FHIT: variants seen among roughly 807,000 people sequenced by gnomAD.
FHIT encodes bis(5'-adenosyl)-triphosphatase.
In FHIT, 19 loss-of-function variants were observed where a neutral mutation model predicts 17.9. That is an observed-to-expected ratio of 1.06 (90% CI 0.74 to 1.56). The LOEUF is 1.56. Among genes scored for constraint, FHIT ranks in the 40% most tolerant of loss-of-function variants. FHIT has a pLI of 0.00. For missense variants in FHIT, 248 were observed against 189.2 expected (o/e 1.31, Z -1.82); for synonymous variants, 81 against 69.7 (o/e 1.16, Z -0.81).
intron 5 of FHIT, among the ~76,000 whole-genome samples, chr3:60,180,564 T>A (rs1190307825): frequency 6.6e-6 from 1 of 152,180 alleles, no homozygotes; most frequent in African/African-American, 2.4e-5. Flanking sequence ...TTCTAACAGC[T>A]TCATTTTAAA....
intron 4 of FHIT, among the ~76,000 whole-genome samples, chr3:60,633,531 C>A (rs2039502051): frequency 6.6e-6 from 1 of 152,104 alleles, no homozygotes; most frequent in Admixed American, 6.5e-5. Context: ...AACAGTTGTA[C>A]AAAAGATGGT....
rs149326729 is a variant in FHIT at position 60,384,054 on chromosome 3, G to C, written c.103+152806C>G. On this transcript the variant is annotated intron_variant, in intron 5 of 9. Coordinates refer to ENST00000492590, the MANE Select transcript of FHIT (RefSeq NM_002012.4). ...GGAGGCCGAGGTGGGTGGATCACGA[G>C]GTCAGGAGATCAAGACCATCTTGGC... 9.7e-3 allele frequency among the ~76,000 whole-genome samples: 1,472 copies of C among 152,170 alleles called. 24 individuals are homozygous for C. The highest frequency in any genetic ancestry group is 0.033 in the African/African-American group (1,384 of 41,528).
At chr3:60,024,001 AAG>A (rs1491445620) in intron 5 of FHIT, among the ~76,000 whole-genome samples, 5 of 145,318 alleles carry the variant, frequency 3.4e-5, no homozygotes, top group African/African-American at 1.4e-4. Flanking sequence ...TAAAAAAAAA[AAG>A]AATTATGAAT....
intron 5 of FHIT, among the ~76,000 whole-genome samples, chr3:60,026,869 T>G (rs1700760484): frequency 6.6e-6 from 1 of 151,946 alleles, no homozygotes; most frequent in Admixed American, 6.6e-5. Flanking sequence ...GAGGCCAAGG[T>G]GGGTGGGTCA....
At chr3:59,863,605 CTAGCTCA>C (rs1268685989) in intron 8 of FHIT, among the ~76,000 whole-genome samples, 3 of 152,210 alleles carry the variant, frequency 2.0e-5, no homozygotes, top group Non-Finnish European at 4.4e-5. Context: ...CTCCCTGTGT[CTAGCTCA>C]TAGTAGGGAG....
intron 2 of FHIT, among the ~76,000 whole-genome samples, chr3:61,168,279 A>T (rs2037899182): frequency 6.6e-6 from 1 of 152,164 alleles, no homozygotes; most frequent in Non-Finnish European, 1.5e-5. Context: ...CAAGGCCTAA[A>T]ATACTTACTG....
chr3:60,798,763 T>C lies in FHIT; in HGVS notation c.-18+23156A>G, dbSNP rs1701080041. On this transcript the variant is annotated intron_variant, in intron 4 of 9. Coordinates refer to ENST00000492590, the MANE Select transcript of FHIT (RefSeq NM_002012.4). ...CACTACTGCAATAGCTTTTTTTTTTTTTTTTTTTTTTTGAGACTGAGTCTT... is the reference window on the plus strand; with the variant it reads ...CACTACTGCAATAGCTTTTTTTTTTCTTTTTTTTTTTTGAGACTGAGTCTT... 2.0e-5 allele frequency among the ~76,000 whole-genome samples: 3 copies of C among 147,738 alleles called. No homozygotes were observed. The South Asian group carries it at 6.7e-4, about 33-fold the overall frequency.
At chr3:59,793,983 C>T (rs1312162401) in intron 8 of FHIT, among the ~76,000 whole-genome samples, 1 of 152,096 alleles carries the variant, frequency 6.6e-6, no homozygotes, top group African/African-American at 2.4e-5. Context: ...GAGCATTTTT[C>T]CATGGGACAC....
chr3:61,197,665 T>G (rs1287623388), intron 2 of FHIT, among the ~76,000 whole-genome samples: 1 of 152,166 alleles, frequency 6.6e-6, no homozygotes, highest in East Asian at 1.9e-4. Flanking sequence ...CTCAGTAGGG[T>G]AAGAACAGTG....
At chr3:59,973,757 G>T (rs10510823) in intron 7 of FHIT, among the ~76,000 whole-genome samples, 6,481 of 152,132 alleles carry the variant, frequency 0.043, 214 homozygotes, top group Admixed American at 0.1. Flanking sequence ...GCTGATTGAA[G>T]TTATTTTGGG....
At chr3:60,864,604 A>AG (rs1704078586) in intron 3 of FHIT, among the ~76,000 whole-genome samples, 1 of 152,072 alleles carries the variant, frequency 6.6e-6, no homozygotes, top group Non-Finnish European at 1.5e-5. Context: ...ATTGGCAAGG[A>AG]GGGGTGGCAG....
chr3:60,509,182 C>T (rs1010362222), intron 5 of FHIT, among the ~76,000 whole-genome samples: 3 of 152,118 alleles, frequency 2.0e-5, no homozygotes, highest in East Asian at 1.9e-4. Flanking sequence ...TGACTCTTGG[C>T]GATTCCAAAT....
chr3:60,161,439 C>T (rs1311750098), intron 5 of FHIT, among the ~76,000 whole-genome samples: 1 of 152,140 alleles, frequency 6.6e-6, no homozygotes, highest in Non-Finnish European at 1.5e-5. Context: ...ATTTCATGTG[C>T]ACAATTATTA....
At chr3:60,369,756 T>C (rs1159154402) in intron 5 of FHIT, among the ~76,000 whole-genome samples, 2 of 152,190 alleles carry the variant, frequency 1.3e-5, no homozygotes, top group East Asian at 3.9e-4. Flanking sequence ...CTCTCAGCAT[T>C]GTGTGACCTT....
At chr3:60,336,992 C>T (rs764382005) in intron 5 of FHIT, among the ~76,000 whole-genome samples, 1 of 151,830 alleles carries the variant, frequency 6.6e-6, no homozygotes, top group South Asian at 2.1e-4. Flanking sequence ...ACAGAAATTT[C>T]ATTTATATAT....
intron 5 of FHIT, among the ~76,000 whole-genome samples, chr3:60,466,823 GTTTTTT>G: frequency 7.4e-6 from 1 of 135,452 alleles, no homozygotes; most frequent in Admixed American, 7.3e-5. Context: ...CTTGCCTGCA[GTTTTTT>G]TTTTTTTTTT....
intron 5 of FHIT, among the ~76,000 whole-genome samples, chr3:60,376,759 T>C (rs1289337804): frequency 2.0e-5 from 3 of 152,228 alleles, no homozygotes; most frequent in Admixed American, 2.0e-4. Context: ...CAGGGACAAA[T>C]GCTCTATAAT....
intron 5 of FHIT, among the ~76,000 whole-genome samples, chr3:60,313,184 A>G (rs1576460549): frequency 6.6e-6 from 1 of 152,236 alleles, no homozygotes; most frequent in African/African-American, 2.4e-5. Flanking sequence ...CACATGCTCT[A>G]AACATTACAT....
At chr3:60,925,362 T>G (rs1245233638) in intron 3 of FHIT, among the ~76,000 whole-genome samples, 3 of 152,200 alleles carry the variant, frequency 2.0e-5, no homozygotes, top group Middle Eastern at 3.2e-3. Flanking sequence ...AGCAGATCTC[T>G]CAGCAGAAAC....
Sources: gnomAD v4.1 joint callset for allele counts (sites outside exome capture counted in the v4.1 genomes callset) on GRCh38, gnomAD v4.1.1 for gene constraint, MANE v1.5 for transcripts, NCBI Gene and HGNC (gene_info 2026-07-23, HGNC 2026-07-21) for gene names.